TSHZ2: variants seen among roughly 807,000 people sequenced by gnomAD.
TSHZ2 encodes teashirt homolog 2.
In TSHZ2, 21 loss-of-function variants were observed where a neutral mutation model predicts 74.4. The observed-to-expected ratio is 0.28, with a 90% CI of 0.20 to 0.41. The LOEUF is 0.41. Ranked by LOEUF, TSHZ2 falls within the 10% of genes least tolerant of loss-of-function variation. The pLI, the probability that TSHZ2 is intolerant of heterozygous loss-of-function variation, is 1.00. For synonymous variants in TSHZ2, 540 were observed against 515.3 expected, an observed-to-expected ratio of 1.05 and a Z score of -0.65; for missense variants, 1,244 against 1,293.5, an observed-to-expected ratio of 0.96 and a Z score of 0.59.
intron 1 of TSHZ2, among the ~76,000 whole-genome samples, chr20:53,048,660 T>A (rs1253206257): frequency 1.3e-5 from 2 of 152,202 alleles, no homozygotes; most frequent in Non-Finnish European, 2.9e-5. Flanking sequence ...CACCAGCAGC[T>A]CATCACCATC....
chr20:53,100,326 C>T (rs1292963174), intron 1 of TSHZ2, among the ~76,000 whole-genome samples: 2 of 152,200 alleles, frequency 1.3e-5, no homozygotes, highest in African/African-American at 4.8e-5. Flanking sequence ...TTGCCCAGGT[C>T]CTAACCCACC....
Position 53,487,377 on chromosome 20 carries a change from A to G in TSHZ2, c.*242A>G, listed in dbSNP as rs1986317852. ...CACTTCTCTGCTTATGGGCGGTATT[A>G]GATTTTCATTGATAAATTGCAATGG... On this transcript the variant is annotated 3_prime_UTR_variant, in exon 3 of 3. Coordinates refer to ENST00000371497, the MANE Select transcript of TSHZ2 (RefSeq NM_173485.6). 6.6e-6 allele frequency: 1 copy of G among 151,940 alleles called. No individual in the cohort carries two copies. The highest frequency in any genetic ancestry group is 2.1e-4 in the South Asian group (1 of 4,816). 9.4% of individuals were successfully genotyped at this position (151,940 alleles called of 1,614,324 possible). A position where few individuals can be genotyped will look rare whatever the true frequency, so the allele number is the denominator to read the frequency against.
chr20:53,268,471 A>G (rs979354371), intron 2 of TSHZ2, among the ~76,000 whole-genome samples: 11 of 152,220 alleles, frequency 7.2e-5, no homozygotes, highest in Non-Finnish European at 1.6e-4. Flanking sequence ...TCCAGGCAAT[A>G]GCGTGACTTA....
intron 1 of TSHZ2, among the ~76,000 whole-genome samples, chr20:53,118,383 G>A (rs998473953): frequency 2.0e-5 from 3 of 152,136 alleles, no homozygotes; most frequent in Admixed American, 2.0e-4. Flanking sequence ...AGGGATTTAG[G>A]TGCTGGTGAT....
chr20:53,338,395 C>T (rs1282820295), intron 2 of TSHZ2, among the ~76,000 whole-genome samples: 3 of 152,170 alleles, frequency 2.0e-5, no homozygotes, highest in African/African-American at 4.8e-5. Context: ...TGCCTGGGTC[C>T]TCCCTACTAG....
At chr20:53,398,829 G>T (rs1053630516) in intron 2 of TSHZ2, 1 of 152,154 alleles carries the variant, frequency 6.6e-6, no homozygotes, top group Non-Finnish European at 1.5e-5. Flanking sequence ...CCAGTAAAAT[G>T]GGAATAATCA....
chr20:53,100,962 G>A (rs1986199147), intron 1 of TSHZ2, among the ~76,000 whole-genome samples: 1 of 152,138 alleles, frequency 6.6e-6, no homozygotes, highest in Non-Finnish European at 1.5e-5. Flanking sequence ...TCTTAATAGT[G>A]GGGCAGGTGG....
intron 1 of TSHZ2, among the ~76,000 whole-genome samples, chr20:53,131,829 C>G (rs941187025): frequency 1.7e-5 from 2 of 115,726 alleles, no homozygotes; most frequent in South Asian, 3.2e-4. Context: ...ACCCCCCCCC[C>G]CCCCCAAAAA....
At chr20:52,978,696 T>C (rs1981444107) in intron 1 of TSHZ2, among the ~76,000 whole-genome samples, 1 of 152,202 alleles carries the variant, frequency 6.6e-6, no homozygotes, top group African/African-American at 2.4e-5. Flanking sequence ...TGAACGACTT[T>C]TATTAAAAAA....
chr20:53,098,144 A>G (rs1313514212), intron 1 of TSHZ2, among the ~76,000 whole-genome samples: 1 of 152,202 alleles, frequency 6.6e-6, no homozygotes, highest in African/African-American at 2.4e-5. Context: ...GGTTACGAGC[A>G]TAGCATTTGG....
At chr20:53,179,656 T>A (rs1988425041) in intron 1 of TSHZ2, 1 of 152,300 alleles carries the variant, frequency 6.6e-6, no homozygotes, top group African/African-American at 2.4e-5. Context: ...CCCTGGTTCT[T>A]CTGTGACCCA....
chr20:53,276,234 T>C (rs1027350764), intron 2 of TSHZ2, among the ~76,000 whole-genome samples: 7 of 141,248 alleles, frequency 5.0e-5, no homozygotes, highest in African/African-American at 2.1e-4. Context: ...GCTCCAGGCC[T>C]GGCTCTTTCA....
At chr20:53,343,961 G>A (rs991053584) in intron 2 of TSHZ2, among the ~76,000 whole-genome samples, 3 of 152,146 alleles carry the variant, frequency 2.0e-5, no homozygotes, top group Admixed American at 1.3e-4. Flanking sequence ...TTGACTAGTG[G>A]CAAAGTTTCA....
At chr20:53,352,791 A>G (rs6022413) in intron 2 of TSHZ2, among the ~76,000 whole-genome samples, 2,051 of 139,464 alleles carry the variant, frequency 0.015, 40 homozygotes, top group African/African-American at 0.051. Context: ...AAAAAAAAAA[A>G]AAAGAAAGAA....
At chr20:53,169,516 AC>A (rs1484959255) in intron 1 of TSHZ2, among the ~76,000 whole-genome samples, 1 of 151,964 alleles carries the variant, frequency 6.6e-6, no homozygotes, top group African/African-American at 2.4e-5. Flanking sequence ...TCTACCTAAA[AC>A]CCTTTTCTTC....
At chr20:53,039,936 T>C (rs961177662) in intron 1 of TSHZ2, among the ~76,000 whole-genome samples, 3 of 151,960 alleles carry the variant, frequency 2.0e-5, no homozygotes, top group African/African-American at 7.3e-5. Flanking sequence ...TGAAACCCTG[T>C]CTCTACTAAA....
intron 1 of TSHZ2, among the ~76,000 whole-genome samples, chr20:53,035,800 C>T (rs1032801839): frequency 4.6e-5 from 7 of 152,090 alleles, no homozygotes; most frequent in South Asian, 4.1e-4. Flanking sequence ...TGTGTAGCAG[C>T]GGAGTGTAGG....
chr20:53,262,400 T>C (rs1309904351), intron 2 of TSHZ2, among the ~76,000 whole-genome samples: 1 of 152,202 alleles, frequency 6.6e-6, no homozygotes, highest in Non-Finnish European at 1.5e-5. Context: ...TGATTGTTCA[T>C]CAAACGGCTC....
In TSHZ2 at chr20:53,419,765, C is replaced by A. The variant is rs546308357; in HGVS notation, c.*9-67379C>A. ...CTACTCTAACCACCCTCACTCCTGA[C>A]AAACACGGGACATGTGAGAGATCTG... On this transcript the variant is annotated intron_variant, in intron 2 of 2. Coordinates refer to ENST00000371497, the MANE Select transcript of TSHZ2 (RefSeq NM_173485.6). Among the ~76,000 whole-genome samples the A allele has an allele frequency of 2.6e-5, 4 of 152,332 alleles. No individual in the cohort carries two copies. The East Asian group carries it at 7.7e-4, about 29-fold the overall frequency.
Sources: allele counts gnomAD v4.1 joint callset (sites outside exome capture counted in the v4.1 genomes callset), GRCh38; gene constraint gnomAD v4.1.1; transcripts MANE v1.5; gene names NCBI Gene and HGNC (gene_info 2026-07-23, HGNC 2026-07-21).